The following SUGCT variants were observed in gnomAD, a reference collection of about 807,000 sequenced individuals.
SUGCT encodes succinyl-CoA:glutarate CoA-transferase.
SUGCT carries 41 observed loss-of-function variants against 55.0 expected under a neutral mutation model. That is an observed-to-expected ratio of 0.74 (90% CI 0.58 to 0.97). The LOEUF is 0.97. Ranked by LOEUF, SUGCT falls within the 50% of genes least tolerant of loss-of-function variation. The pLI is 0.00. For synonymous variants in SUGCT, 187 were observed against 200.4 expected (o/e 0.93, Z 0.56); for missense variants, 568 against 547.8 (o/e 1.04, Z -0.37).
At chr7:40,974,499 G>A in the SUGCT span, among the ~76,000 whole-genome samples, 12 of 152,214 alleles carry the variant, frequency 7.9e-5, no homozygotes, top group Admixed American at 2.0e-4. Flanking sequence ...AAGAGCCCTC[G>A]GCAGAAACCA....
intron 11 of SUGCT, among the ~76,000 whole-genome samples, chr7:40,470,515 G>T (rs1790348423): frequency 6.6e-6 from 1 of 152,092 alleles, no homozygotes; most frequent in Non-Finnish European, 1.5e-5. Flanking sequence ...ACAATCTGCA[G>T]TAGTTTTGGC....
chr7:40,253,528 G>T (rs1456383693), intron 7 of SUGCT, among the ~76,000 whole-genome samples: 1 of 152,136 alleles, frequency 6.6e-6, no homozygotes, highest in Non-Finnish European at 1.5e-5. Flanking sequence ...AACATAATCG[G>T]CATTCACATA....
intron 12 of SUGCT, among the ~76,000 whole-genome samples, chr7:40,626,087 G>C (rs1462156541): frequency 1.3e-5 from 2 of 152,112 alleles, no homozygotes; most frequent in Non-Finnish European, 2.9e-5. Flanking sequence ...GACCCTCCTT[G>C]TTCTTAACTA....
At chr7:40,673,029 C>T (rs564991969) in intron 12 of SUGCT, among the ~76,000 whole-genome samples, 1 of 152,140 alleles carries the variant, frequency 6.6e-6, no homozygotes, top group Non-Finnish European at 1.5e-5. Context: ...TTTGTGTTTT[C>T]CAGAATTTCA....
intron 12 of SUGCT, among the ~76,000 whole-genome samples, chr7:40,686,877 C>G (rs925157771): frequency 7.2e-5 from 11 of 152,104 alleles, no homozygotes; most frequent in African/African-American, 2.7e-4. Flanking sequence ...TGTTCAAAAC[C>G]TCTAGAAGCT....
At chr7:40,837,861 G>A (rs531269085) in intron 13 of SUGCT, among the ~76,000 whole-genome samples, 2 of 152,188 alleles carry the variant, frequency 1.3e-5, no homozygotes, top group East Asian at 1.9e-4. Context: ...AGATCCACCC[G>A]CCTTGGCCTC....
chr7:40,550,973 T>C (rs1795263569), intron 12 of SUGCT, among the ~76,000 whole-genome samples: 1 of 152,188 alleles, frequency 6.6e-6, no homozygotes, highest in Admixed American at 6.5e-5. Flanking sequence ...TTTTCTTCTC[T>C]TTTCTCTTGT....
intron 8 of SUGCT, among the ~76,000 whole-genome samples, chr7:40,312,124 C>T (rs2151099595): frequency 6.6e-6 from 1 of 151,816 alleles, no homozygotes; most frequent in East Asian, 1.9e-4. Context: ...ACCGCAACCT[C>T]TGCTTCCCGG....
chr7:40,989,766 C>G, the SUGCT span, among the ~76,000 whole-genome samples: 9 of 152,016 alleles, frequency 5.9e-5, no homozygotes, highest in Admixed American at 2.6e-4. Context: ...GTAAGACTGT[C>G]TTAAAAACAA....
chr7:40,497,430 A>AT, intron 12 of SUGCT, among the ~76,000 whole-genome samples: 1 of 151,988 alleles, frequency 6.6e-6, no homozygotes, highest in Non-Finnish European at 1.5e-5. Flanking sequence ...TGCTTGTGCT[A>AT]TTTTTTCGGC....
At chr7:40,687,595 C>T (rs1020749001) in intron 12 of SUGCT, among the ~76,000 whole-genome samples, 1 of 152,138 alleles carries the variant, frequency 6.6e-6, no homozygotes, top group Non-Finnish European at 1.5e-5. Context: ...TTCTTTCCAC[C>T]CTCAAAATTT....
intron 12 of SUGCT, among the ~76,000 whole-genome samples, chr7:40,698,453 G>A (rs1008873253): frequency 1.3e-5 from 2 of 152,178 alleles, no homozygotes; most frequent in African/African-American, 2.4e-5. Flanking sequence ...AGGGCAGAGA[G>A]CAAGTTCAGG....
intron 1 of SUGCT, among the ~76,000 whole-genome samples, chr7:40,151,387 A>T (rs1238480140): frequency 2.6e-5 from 4 of 152,284 alleles, no homozygotes; most frequent in Non-Finnish European, 5.9e-5. Context: ...TCTGTGTGGC[A>T]GCTGGACATG....
intron 13 of SUGCT, among the ~76,000 whole-genome samples, chr7:40,758,454 T>C (rs1352233850): frequency 6.6e-6 from 1 of 152,142 alleles, no homozygotes; most frequent in East Asian, 1.9e-4. Flanking sequence ...AAAAAGATGT[T>C]GGTGGAGATA....
At chr7:40,818,727 C>T (rs924969552) in intron 13 of SUGCT, among the ~76,000 whole-genome samples, 1 of 152,030 alleles carries the variant, frequency 6.6e-6, no homozygotes, top group Non-Finnish European at 1.5e-5. Context: ...TACAGTACCA[C>T]AGCAAATAGG....
chr7:40,467,008 G>A (rs1356396975), intron 11 of SUGCT, among the ~76,000 whole-genome samples: 2 of 151,852 alleles, frequency 1.3e-5, no homozygotes, highest in Admixed American at 6.6e-5. Flanking sequence ...TCGAGACCAT[G>A]CTGGCTAACA....
At chr7:40,191,885 G>A (rs1436755237) in intron 5 of SUGCT, among the ~76,000 whole-genome samples, 2 of 152,122 alleles carry the variant, frequency 1.3e-5, no homozygotes, top group South Asian at 4.1e-4. Flanking sequence ...CGAGGTGGGC[G>A]GATCATGAGG....
intron 12 of SUGCT, among the ~76,000 whole-genome samples, chr7:40,613,882 C>T (rs1252190348): frequency 6.6e-6 from 1 of 152,206 alleles, no homozygotes; most frequent in East Asian, 1.9e-4. Context: ...GCTGTGATTA[C>T]AGGTGTGAGC....
chr7:40,518,560 A>C (rs1399282482), intron 12 of SUGCT, among the ~76,000 whole-genome samples: 1 of 152,174 alleles, frequency 6.6e-6, no homozygotes, highest in African/African-American at 2.4e-5. Context: ...TAGATATGTT[A>C]TGCATGCATT....
Sources: gnomAD v4.1 joint callset for allele counts (sites outside exome capture counted in the v4.1 genomes callset) on GRCh38, gnomAD v4.1.1 for gene constraint, MANE v1.5 for transcripts, NCBI Gene and HGNC (gene_info 2026-07-23, HGNC 2026-07-21) for gene names.